MCTP2: variants seen among roughly 807,000 people sequenced by gnomAD.
The protein encoded by MCTP2 is multiple C2 and transmembrane domain containing 2.
In MCTP2, 132 loss-of-function variants were observed where a neutral mutation model predicts 111.6. The ratio of observed to expected loss-of-function variants is 1.18; its 90% CI spans 1.03 to 1.37. The LOEUF is 1.37. Ranked by LOEUF, MCTP2 falls within the 40% of genes most tolerant of loss-of-function variation. MCTP2 has a pLI of 0.00. For missense variants in MCTP2, 1,183 were observed against 1,067.9 expected (o/e 1.11, Z -1.50); for synonymous variants, 395 against 387.7 (o/e 1.02, Z -0.22).
At chr15:94,461,118 C>T (rs936051128) in intron 20 of MCTP2, among the ~76,000 whole-genome samples, 5 of 152,120 alleles carry the variant, frequency 3.3e-5, no homozygotes, top group African/African-American at 1.2e-4. Context: ...CCTAATATTA[C>T]ACAAATTTTA....
intron 16 of MCTP2, among the ~76,000 whole-genome samples, chr15:94,400,363 T>C (rs2081509152): frequency 6.6e-6 from 1 of 152,194 alleles, no homozygotes; most frequent in Non-Finnish European, 1.5e-5. Context: ...CTTTGAAGTT[T>C]CAGGGAGGTG....
At chr15:94,358,406 A>G in intron 9 of MCTP2, 76 bp from the exon 10 acceptor site, 1 of 1,370,500 alleles carries the variant, frequency 7.3e-7, no homozygotes, top group South Asian at 1.3e-5. Flanking sequence ...CAGTTTAATG[A>G]TGAAATTAAT....
intron 1 of MCTP2, among the ~76,000 whole-genome samples, chr15:94,288,097 G>A (rs1010033340): frequency 9.9e-5 from 15 of 152,284 alleles, no homozygotes; most frequent in African/African-American, 2.6e-4. Context: ...CTTTCTATTC[G>A]GTAAAATAGA....
Position 94,255,876 on chromosome 15 carries a change from T to C in MCTP2, c.-66+24212T>C, listed in dbSNP as rs1596194466. Reference sequence around the variant, plus strand: ...ATTGTTTAGCAACTATGGAATGCTCTTAGGAAAATTTTTTTTGTTGACTTT... The same window carrying C: ...ATTGTTTAGCAACTATGGAATGCTCCTAGGAAAATTTTTTTTGTTGACTTT... On this transcript the variant is annotated intron_variant, in intron 1 of 22. Coordinates refer to ENST00000357742, the MANE Select transcript of MCTP2 (RefSeq NM_001385001.1). 7.2e-5 allele frequency among the ~76,000 whole-genome samples: 11 copies of C among 152,338 alleles called. 1 individual carries two copies. The South Asian group carries it at 2.3e-3, about 32-fold the overall frequency.
rs796532680 is a variant in MCTP2 at position 94,404,304 on chromosome 15, GTTT to G, written c.2085+2298_2085+2300del. Among the ~76,000 whole-genome samples, 148 of 136,940 alleles carry G rather than the reference GTTT, an allele frequency of 1.1e-3. No homozygotes were observed. The South Asian group carries it at 0.032, about 29-fold the overall frequency. The allele number at this position is 136,940 out of a possible 152,430, so 89.8% of individuals were successfully genotyped here. A position where few individuals can be genotyped will look rare whatever the true frequency, so the allele number is the denominator to read the frequency against. ...TCAGTTTCATCTCTTATTTTTTATT[GTTT>G]TTTTTTTTTTTTGTGACAGAGTCTG... is the stretch of plus-strand genomic sequence containing the variant. On this transcript the variant is annotated intron_variant, in intron 17 of 22. Transcript: ENST00000357742.
intron 17 of MCTP2, among the ~76,000 whole-genome samples, chr15:94,420,985 AC>A (rs1346825276): frequency 6.6e-6 from 1 of 151,986 alleles, no homozygotes; most frequent in East Asian, 1.9e-4. Context: ...TGCCACAGCC[AC>A]CCCAGCCTTC....
At chr15:94,243,293 G>GCATATATA (rs1212536987) in intron 1 of MCTP2, among the ~76,000 whole-genome samples, 3 of 143,344 alleles carry the variant, frequency 2.1e-5, no homozygotes, top group Admixed American at 1.4e-4. Flanking sequence ...ATGCGTATAT[G>GCATATATA]CATATATACA....
At chr15:94,398,656 A>T (rs1305231067) in intron 14 of MCTP2, among the ~76,000 whole-genome samples, 1 of 152,084 alleles carries the variant, frequency 6.6e-6, no homozygotes, top group East Asian at 1.9e-4. Flanking sequence ...ATTGGCCAGG[A>T]ATTTTGTAGA....
rs188420887 is a variant in MCTP2 at position 94,330,951 on chromosome 15, T to A, written c.638-8339T>A. Among the ~76,000 whole-genome samples the A allele has an allele frequency of 2.5e-3, 373 of 152,216 alleles. 1 individual carries two copies. The highest frequency in any genetic ancestry group is 8.3e-3 in the African/African-American group (343 of 41,540). ...GATTTTGCCATGTTGCCCAGGCTTG[T>A]CTTGAATTCTGAGCTCAAGCAATCC... On this transcript the variant is annotated intron_variant, in intron 4 of 22. Transcript: ENST00000357742.
chr15:94,241,397 T>C lies in MCTP2; in HGVS notation c.-66+9733T>C, dbSNP rs951306842. Among the ~76,000 whole-genome samples, 5 of 152,152 alleles carry C rather than the reference T, an allele frequency of 3.3e-5. No homozygotes were observed. The East Asian group carries it at 9.6e-4, about 29-fold the overall frequency. ...GTTTAAACTATTTTCTAATGCAAAT[T>C]TTGCTGACCAATTCTGGATGTCTTG... On this transcript the variant is annotated intron_variant, in intron 1 of 22. Coordinates refer to ENST00000357742, the MANE Select transcript of MCTP2 (RefSeq NM_001385001.1).
At chr15:94,478,480 G>A (rs776320059) in intron 22 of MCTP2, among the ~76,000 whole-genome samples, 5 of 152,190 alleles carry the variant, frequency 3.3e-5, no homozygotes, top group Non-Finnish European at 7.3e-5. Context: ...ATTTCCACGA[G>A]AAATCTATAT....
chr15:94,446,463 T>G (rs1366841860), intron 19 of MCTP2, among the ~76,000 whole-genome samples: 2 of 152,224 alleles, frequency 1.3e-5, no homozygotes, highest in Admixed American at 6.5e-5. Context: ...AAAATTGCAT[T>G]AATTTTCTAC....
Position 94,272,210 on chromosome 15 carries a change from A to ATTTT in MCTP2, c.-65-25986_-65-25983dup, listed in dbSNP as rs61389976. Among the ~76,000 whole-genome samples the ATTTT allele has an allele frequency of 6.7e-3, 1,022 of 152,160 alleles. 3 individuals carry two copies. The highest frequency in any genetic ancestry group is 0.024 in the African/African-American group (977 of 41,492). ...ATATTTGTATGTAATGGCTAAGACA[A>ATTTT]TTTTTTTTATTGGATGGTGCTTAAT... On this transcript the variant is annotated intron_variant, in intron 1 of 22. Coordinates refer to ENST00000357742, the MANE Select transcript of MCTP2 (RefSeq NM_001385001.1).
At chr15:94,243,846 CATAT>C (rs567360175) in intron 1 of MCTP2, among the ~76,000 whole-genome samples, 1 of 146,764 alleles carries the variant, frequency 6.8e-6, no homozygotes, top group East Asian at 2.1e-4. Context: ...TTTATGTACA[CATAT>C]ATGTATACAC....
chr15:94,468,597 A>G (rs925658251), intron 20 of MCTP2, among the ~76,000 whole-genome samples: 1 of 152,142 alleles, frequency 6.6e-6, no homozygotes, highest in Non-Finnish European at 1.5e-5. Context: ...TATATATAAT[A>G]TTTTACCTCA....
intron 19 of MCTP2, among the ~76,000 whole-genome samples, chr15:94,455,224 G>A (rs2084744628): frequency 6.6e-6 from 1 of 152,148 alleles, no homozygotes; most frequent in Non-Finnish European, 1.5e-5. Context: ...TTACTTTTCA[G>A]CATATATTTT....
At chr15:94,438,502 G>C (rs1032416616) in intron 17 of MCTP2, among the ~76,000 whole-genome samples, 1 of 152,068 alleles carries the variant, frequency 6.6e-6, no homozygotes, top group African/African-American at 2.4e-5. Context: ...CTCAGTGAAG[G>C]AGTTTCTCCC....
intron 19 of MCTP2, among the ~76,000 whole-genome samples, chr15:94,448,078 T>A (rs114219050): frequency 3.2e-4 from 48 of 152,332 alleles, no homozygotes; most frequent in African/African-American, 1.1e-3. Flanking sequence ...AGTTTATGCA[T>A]GTTTTGGATG....
intron 14 of MCTP2, among the ~76,000 whole-genome samples, chr15:94,386,990 G>C (rs1049371917): frequency 6.6e-6 from 1 of 152,072 alleles, no homozygotes; most frequent in South Asian, 2.1e-4. Flanking sequence ...AAGTCAAAGT[G>C]TGTGGTGGCT....
Sources: allele counts gnomAD v4.1 joint callset (sites outside exome capture counted in the v4.1 genomes callset), GRCh38; gene constraint gnomAD v4.1.1; transcripts MANE v1.5; gene names NCBI Gene and HGNC (gene_info 2026-07-23, HGNC 2026-07-21).